The following GUCY2F variants were observed in gnomAD, a reference collection of about 807,000 sequenced individuals.
GUCY2F encodes guanylate cyclase 2F, retinal.
A neutral mutation model predicts 73.1 loss-of-function variants in GUCY2F; 61 were observed. That is an observed-to-expected ratio of 0.83 (90% CI 0.68 to 1.03). The LOEUF is 1.03. Among genes scored for constraint, GUCY2F ranks in the 50% least tolerant of loss-of-function variants. GUCY2F has a pLI of 0.00. For synonymous variants in GUCY2F, 331 were observed against 307.8 expected (o/e 1.08, Z -0.79); for missense variants, 912 against 854.3 (o/e 1.07, Z -0.84).
chrX:109,465,525 A>G (rs1932452059), intron 2 of GUCY2F, 82 bp from the exon 3 acceptor site: 1 of 705,859 alleles, frequency 1.4e-6, no homozygotes, highest in African/African-American at 2.2e-5. Flanking sequence ...GGAAAAATAA[A>G]TGTGTTCTAA....
intron 8 of GUCY2F, among the ~76,000 whole-genome samples, chrX:109,420,113 A>G (rs904295060): frequency 2.8e-5 from 3 of 108,373 alleles, no homozygotes; most frequent in African/African-American, 1.0e-4. Context: ...TCTATATGCA[A>G]AAAATGAACC....
At chrX:109,435,703 G>T (rs981344119) in intron 7 of GUCY2F, among the ~76,000 whole-genome samples, 1 of 111,125 alleles carries the variant, frequency 9.0e-6, no homozygotes, top group Admixed American at 9.6e-5. Context: ...CCTGTCTTGT[G>T]CCAGTTTTCA....
chrX:109,422,386 A>T (rs1319837355), intron 8 of GUCY2F, among the ~76,000 whole-genome samples: 1 of 111,794 alleles, frequency 8.9e-6, no homozygotes, highest in Non-Finnish European at 1.9e-5. Flanking sequence ...GTTTACCAGG[A>T]ACTTCAAGAA....
chrX:109,375,171 T>TAA (rs5903336), intron 19 of GUCY2F, among the ~76,000 whole-genome samples: 30 of 94,433 alleles, frequency 3.2e-4, no homozygotes, highest in East Asian at 6.5e-4. Flanking sequence ...AAGCAAGATT[T>TAA]AAAAAAAAAA....
intron 10 of GUCY2F, among the ~76,000 whole-genome samples, chrX:109,401,125 G>A (rs1257226699): frequency 3.6e-5 from 4 of 111,904 alleles, no homozygotes; most frequent in African/African-American, 6.5e-5. Flanking sequence ...TTATATAATC[G>A]AGAGTGGACA....
chrX:109,414,256 G>C (rs2147262989), intron 8 of GUCY2F, among the ~76,000 whole-genome samples: 1 of 111,944 alleles, frequency 8.9e-6, no homozygotes, highest in South Asian at 3.8e-4. Flanking sequence ...ACAGGCACGA[G>C]ACACTGTGCC....
At chrX:109,408,417 G>A (rs1023948074) in intron 9 of GUCY2F, among the ~76,000 whole-genome samples, 5 of 112,425 alleles carry the variant, frequency 4.4e-5, no homozygotes, top group African/African-American at 1.3e-4. Context: ...ACTTTGGACT[G>A]TGGACTTTTG....
intron 19 of GUCY2F, 86 bp from the exon 20 acceptor site, chrX:109,373,085 C>T (rs763961846): frequency 2.7e-5 from 3 of 112,826 alleles, no homozygotes; most frequent in South Asian, 3.6e-4. Context: ...TTCCAAGCCC[C>T]ACACCACTAC....
intron 8 of GUCY2F, among the ~76,000 whole-genome samples, chrX:109,413,867 T>C (rs997295687): frequency 4.5e-5 from 5 of 111,950 alleles, no homozygotes; most frequent in African/African-American, 1.3e-4. Flanking sequence ...TATACCTTTA[T>C]GAAAATGTCA....
Position 109,388,746 on chromosome X carries a change from C to G in GUCY2F, c.2782-83G>C, listed in dbSNP as rs1338981219. The G allele has an allele frequency of 1.8e-5, 11 of 601,055 alleles. No individual in the cohort carries two copies. In the South Asian group the frequency reaches 3.1e-4, roughly 17 times the overall value. 49.5% of individuals were successfully genotyped at this position (601,055 alleles called of 1,213,427 possible). A position where few individuals can be genotyped will look rare whatever the true frequency, so the allele number is the denominator to read the frequency against. ...AGAGCTGTAAGGGTATAATGGAGGC[C>G]AGGTGGTCTTGTTGTAAAGTGAGAA... On this transcript the variant is annotated intron_variant, in intron 14 of 19. Transcript: ENST00000218006.
At chrX:109,465,519 A>T (rs1239112002) in intron 2 of GUCY2F, 76 bp from the exon 3 acceptor site, 1 of 744,443 alleles carries the variant, frequency 1.3e-6, no homozygotes, top group East Asian at 3.2e-5. Context: ...CAGAGAGGAA[A>T]AATAAATGTG....
chrX:109,441,380 A>AG lies in GUCY2F; in HGVS notation c.1671dup (p.Tyr558LeufsTer2). 2 of 1,153,365 alleles carry AG rather than the reference A, an allele frequency of 1.7e-6. No individual in the cohort carries two copies. The highest frequency in any genetic ancestry group is 2.3e-6 in the Non-Finnish European group (2 of 853,200). On this transcript the variant is annotated frameshift_variant, in exon 7 of 20. Coordinates refer to ENST00000218006, the MANE Select transcript of GUCY2F (RefSeq NM_001522.3). LOFTEE classifies it high-confidence loss of function. ...TAAATCGCTATGTTGGAGTTTTCAT[A>AG]GGTAGCTGGAGTTAGACTCCCTGAA...
rs1446732966 is a variant in GUCY2F, at chrX:109,475,272, G to A, written c.665C>T (p.Thr222Ile). 1 of 1,208,276 alleles carries A rather than the reference G, an allele frequency of 8.3e-7. No homozygotes were observed. Among genetic ancestry groups the A allele is most frequent in the East Asian group, 3.0e-5 (1 of 33,727 alleles). Residue 222 changes from threonine (T) to isoleucine (I), a missense_variant, in exon 2 of 20, where the codon ACA (threonine) becomes ATA (isoleucine). By Grantham distance (89) the Thr-to-Ile change is moderately conservative (BLOSUM62 -1). Transcript: ENST00000218006. ...HGLPVGVVLTTGQDSQSMRKA... is the reference protein window; with the variant it reads ...HGLPVGVVLTIGQDSQSMRKA... The stretch of plus-strand genomic sequence containing the variant: ...CCGCATGCTTTGGCTGTCTTGTCCT[G>A]TGGTCAGGACGACCCCTACAGGTAA...
At chrX:109,480,852 T>A (rs1369016726) in intron 1 of GUCY2F, among the ~76,000 whole-genome samples, 1 of 104,620 alleles carries the variant, frequency 9.6e-6, no homozygotes, top group Non-Finnish European at 1.9e-5. Flanking sequence ...TTAGTCTTGA[T>A]CCCCCAACTC....
intron 8 of GUCY2F, among the ~76,000 whole-genome samples, chrX:109,417,911 A>G (rs1456624178): frequency 8.9e-6 from 1 of 111,868 alleles, no homozygotes; most frequent in African/African-American, 3.2e-5. Context: ...TCATAATGAT[A>G]AAATAAGACA....
intron 9 of GUCY2F, among the ~76,000 whole-genome samples, chrX:109,408,322 A>T (rs1931021871): frequency 8.9e-6 from 1 of 111,893 alleles, no homozygotes; most frequent in Non-Finnish European, 1.9e-5. Flanking sequence ...CAATACCTTT[A>T]CCCCCATTGT....
At chrX:109,464,011 A>T (rs1177636059) in intron 3 of GUCY2F, among the ~76,000 whole-genome samples, 3 of 112,667 alleles carry the variant, frequency 2.7e-5, no homozygotes, top group African/African-American at 9.7e-5. Context: ...TTTTGTATTG[A>T]GCTATTTCTT....
At position 109,447,546 on chromosome X, in the gene GUCY2F, G is replaced by A. The variant is rs191681199; in HGVS notation, c.1569+523C>T. Among the ~76,000 whole-genome samples the A allele has an allele frequency of 5.8e-5, 6 of 103,569 alleles. No homozygotes were observed. The East Asian group carries it at 1.6e-3, about 27-fold the overall frequency. 89.9% of individuals were successfully genotyped at this position (103,569 alleles called of 115,157 possible). A position where few individuals can be genotyped will look rare whatever the true frequency, so the allele number is the denominator to read the frequency against. ...AAGGACAGGAAACCAAACATGGCAT[G>A]TTCTCACTCATAGGTGGGAATTGAA... On this transcript the variant is annotated intron_variant, in intron 6 of 19. Coordinates refer to ENST00000218006, the MANE Select transcript of GUCY2F (RefSeq NM_001522.3).
intron 8 of GUCY2F, among the ~76,000 whole-genome samples, chrX:109,417,062 C>T (rs1281744350): frequency 9.1e-6 from 1 of 109,492 alleles, no homozygotes; most frequent in Non-Finnish European, 1.9e-5. Context: ...TAGACGAAAA[C>T]TGAGAAAATT....
Sources: allele counts gnomAD v4.1 joint callset (sites outside exome capture counted in the v4.1 genomes callset), GRCh38; gene constraint gnomAD v4.1.1; transcripts MANE v1.5; gene names NCBI Gene and HGNC (gene_info 2026-07-23, HGNC 2026-07-21).